The following ATP8B4 variants were observed in gnomAD, a reference collection of about 807,000 sequenced individuals.
ATP8B4 encodes ATPase phospholipid transporting 8B4 (putative), also known as probable phospholipid-transporting ATPase IM.
ATP8B4 carries 133 observed loss-of-function variants against 145.6 expected under a neutral mutation model. The ratio of observed to expected loss-of-function variants is 0.91; its 90% confidence interval spans 0.79 to 1.05. ATP8B4 has a LOEUF of 1.05. Ranked by LOEUF, ATP8B4 falls within the 50% of genes least tolerant of loss-of-function variation. ATP8B4 has a pLI of 0.00. For synonymous variants in ATP8B4, 507 were observed against 492.9 expected, an observed-to-expected ratio of 1.03 and a Z score of -0.38; for missense variants, 1,458 against 1,425.2, an observed-to-expected ratio of 1.02 and a Z score of -0.37.
chr15:49,991,811 G>A (rs982346076), intron 9 of ATP8B4, among the ~76,000 whole-genome samples: 3 of 152,152 alleles, frequency 2.0e-5, no homozygotes, highest in South Asian at 2.1e-4. Flanking sequence ...ACATTGCTAC[G>A]TTTTAAAAAT....
chr15:49,958,809 C>A (rs576924961), intron 14 of ATP8B4, among the ~76,000 whole-genome samples: 38 of 151,858 alleles, frequency 2.5e-4, no homozygotes, highest in Middle Eastern at 3.2e-3. Flanking sequence ...CTACTGTAGA[C>A]AAGACTGTAA....
chr15:50,008,164 A>G (rs1226933262), intron 7 of ATP8B4, among the ~76,000 whole-genome samples: 4 of 152,118 alleles, frequency 2.6e-5, no homozygotes, highest in Admixed American at 1.3e-4. Context: ...ATTTGCTTCT[A>G]TAAAATTGAT....
Position 49,960,947 on chromosome 15 carries a change from A to C in ATP8B4, c.1287+1030T>G, listed in dbSNP as rs565126624. 3.3e-5 allele frequency among the ~76,000 whole-genome samples: 5 copies of C among 152,254 alleles called. No individual in the cohort carries two copies. The East Asian group carries it at 7.7e-4, about 24-fold the overall frequency. On this transcript the variant is annotated intron_variant, in intron 14 of 27. Transcript: ENST00000284509. ...GGAGATCAAGACCATCCTGGCTAAC[A>C]TGGTGAAACCTGGTCTCTACTAAAA...
At chr15:50,070,358 T>C (rs2053647052) in intron 3 of ATP8B4, among the ~76,000 whole-genome samples, 1 of 152,210 alleles carries the variant, frequency 6.6e-6, no homozygotes. Context: ...CCAGCTCTAC[T>C]TAGACTAGCT....
intron 18 of ATP8B4, 64 bp downstream of exon 18, chr15:49,920,182 C>A: frequency 1.3e-6 from 2 of 1,562,406 alleles, no homozygotes; most frequent in Admixed American, 1.7e-5. Flanking sequence ...TATTCCTGTG[C>A]TAAATCTCTA....
At chr15:49,877,489 C>T (rs1419730049) in intron 24 of ATP8B4, among the ~76,000 whole-genome samples, 4 of 152,152 alleles carry the variant, frequency 2.6e-5, no homozygotes, top group Admixed American at 6.6e-5. Context: ...GCCCAGGTCT[C>T]TCCAAACAGA....
chr15:50,156,923 A>C (rs112992902), intron 1 of ATP8B4, among the ~76,000 whole-genome samples: 119 of 152,324 alleles, frequency 7.8e-4, no homozygotes, highest in African/African-American at 2.7e-3. Flanking sequence ...GCCATCTTGT[A>C]TCTACCATTT....
upstream of ATP8B4, among the ~76,000 whole-genome samples, chr15:50,123,062 T>C (rs995862840): frequency 3.9e-5 from 6 of 152,164 alleles, no homozygotes; most frequent in African/African-American, 1.4e-4. Context: ...ACATAAGCCA[T>C]TGTCTAACAA....
At chr15:50,127,602 T>A (rs2057315771) in intron 1 of ATP8B4, among the ~76,000 whole-genome samples, 1 of 152,240 alleles carries the variant, frequency 6.6e-6, no homozygotes, top group Non-Finnish European at 1.5e-5. Flanking sequence ...TTATACACAC[T>A]ATCTCTGAGG....
At chr15:50,170,678 G>A (rs2044658732) in intron 1 of ATP8B4, among the ~76,000 whole-genome samples, 1 of 151,930 alleles carries the variant, frequency 6.6e-6, no homozygotes, top group African/African-American at 2.4e-5. Context: ...GCAACAAAGA[G>A]CACAATAAAT....
chr15:49,942,720 GA>G (rs1567042176), intron 14 of ATP8B4, among the ~76,000 whole-genome samples: 3 of 152,094 alleles, frequency 2.0e-5, no homozygotes, highest in African/African-American at 7.2e-5. Flanking sequence ...AGCTACTCGG[GA>G]GGCTGAGGCA....
At chr15:50,165,204 C>A (rs549605104) in intron 1 of ATP8B4, among the ~76,000 whole-genome samples, 1 of 152,226 alleles carries the variant, frequency 6.6e-6, no homozygotes, top group African/African-American at 2.4e-5. Flanking sequence ...TACCCACCAC[C>A]ACAGCCCCCA....
intron 7 of ATP8B4, among the ~76,000 whole-genome samples, chr15:50,006,931 T>C (rs1171528040): frequency 6.6e-6 from 1 of 152,124 alleles, no homozygotes; most frequent in Non-Finnish European, 1.5e-5. Flanking sequence ...CTGCAGTATG[T>C]TTTTCTAACA....
In ATP8B4 at chr15:50,038,769, T is replaced by C; in HGVS notation, c.361A>G (p.Lys121Glu). 1 of 1,611,224 alleles carries C rather than the reference T, an allele frequency of 6.2e-7. No homozygotes were observed. Among genetic ancestry groups the C allele is most frequent in the South Asian group, 1.1e-5 (1 of 90,876 alleles). ...TAACCCACAGAATGTATTTCTTACT[T>C]GCTGTTGATGAGCACTTCAGACTGC... ...NRQSEVLINS[K>E]LQNEKWMNVK... The change falls in exon 6 of 28, where the codon AAA becomes GAA. Residue 121 changes from lysine (K) to glutamate (E), a missense_variant and splice_region_variant. By Grantham distance (56) the Lys-to-Glu change is moderately conservative. Transcript: ENST00000284509.
intron 23 of ATP8B4, among the ~76,000 whole-genome samples, chr15:49,890,681 T>C (rs1360631198): frequency 6.6e-6 from 1 of 152,232 alleles, no homozygotes; most frequent in Non-Finnish European, 1.5e-5. Flanking sequence ...TACAGCATAT[T>C]GTCCTTAGAA....
At chr15:49,915,581 T>G (rs2153449913) in intron 20 of ATP8B4, among the ~76,000 whole-genome samples, 1 of 152,254 alleles carries the variant, frequency 6.6e-6, no homozygotes, top group African/African-American at 2.4e-5. Flanking sequence ...CCAAAATATG[T>G]ATAAATATTG....
chr15:50,062,073 A>G (rs2053066313), intron 3 of ATP8B4, among the ~76,000 whole-genome samples: 1 of 152,198 alleles, frequency 6.6e-6, no homozygotes, highest in Non-Finnish European at 1.5e-5. Flanking sequence ...TTAAGTGTCT[A>G]GAGCATTTAA....
intron 25 of ATP8B4, among the ~76,000 whole-genome samples, chr15:49,872,129 T>C (rs575028300): frequency 6.6e-6 from 1 of 152,284 alleles, no homozygotes; most frequent in East Asian, 1.9e-4. Flanking sequence ...CCAGTAATAA[T>C]TGTGCTGTAG....
At chr15:49,862,401 A>T in intron 26 of ATP8B4, 26 bp from the exon 27 acceptor site, 1 of 1,606,014 alleles carries the variant, frequency 6.2e-7, no homozygotes, top group Non-Finnish European at 8.5e-7. Flanking sequence ...GAAAATATAC[A>T]CTGTGGTTAC....
Sources: gnomAD v4.1 joint callset for allele counts (sites outside exome capture counted in the v4.1 genomes callset) on GRCh38, gnomAD v4.1.1 for gene constraint, MANE v1.5 for transcripts, NCBI Gene and HGNC (gene_info 2026-07-23, HGNC 2026-07-21) for gene names.